GID4: variants seen among roughly 807,000 people sequenced by gnomAD.
The protein encoded by GID4 is glucose-induced degradation protein 4 homolog.
A neutral mutation model predicts 32.4 loss-of-function variants in GID4; 7 were observed. The observed-to-expected ratio is 0.22, with a 90% CI of 0.12 to 0.41. The LOEUF is 0.41. Among genes scored for constraint, GID4 ranks in the 10% least tolerant of loss-of-function variants. The pLI, the probability that GID4 is intolerant of heterozygous loss-of-function variation, is 1.00. For synonymous variants in GID4, 166 were observed against 170.0 expected, an observed-to-expected ratio of 0.98 and a Z score of 0.18; for missense variants, 309 against 400.0, an observed-to-expected ratio of 0.77 and a Z score of 1.94.
At chr17:18,059,123 T>C (rs2044996740) in intron 4 of GID4, among the ~76,000 whole-genome samples, 154 bp downstream of exon 4, 1 of 152,154 alleles carries the variant, frequency 6.6e-6, no homozygotes, top group African/African-American at 2.4e-5. Context: ...TGCACGCCTA[T>C]AAAAAGTGGG....
intron 2 of GID4, among the ~76,000 whole-genome samples, chr17:18,046,214 G>A (rs989640573): frequency 5.9e-5 from 9 of 152,320 alleles, no homozygotes; most frequent in South Asian, 4.1e-4. Flanking sequence ...ATGGGGCAGT[G>A]GAAAGGAGCT....
At chr17:18,041,617 C>T (rs2044804580) in intron 1 of GID4, among the ~76,000 whole-genome samples, 1 of 152,154 alleles carries the variant, frequency 6.6e-6, no homozygotes, top group Non-Finnish European at 1.5e-5. Context: ...GTTTGTTTTG[C>T]ACCTAGTCAT....
rs558990960 is a variant in GID4, at chr17:18,043,692, G to A, written c.439-1455G>A. On this transcript the variant is annotated intron_variant, in intron 1 of 5. Coordinates refer to ENST00000268719, the MANE Select transcript of GID4 (RefSeq NM_024052.5). Reference sequence around the variant, plus strand: ...GTGCTGACATCATCTGGTTGACTAAGTTCATTACAGTTTTTAAGCATGGCT... The same window carrying A: ...GTGCTGACATCATCTGGTTGACTAAATTCATTACAGTTTTTAAGCATGGCT... Among the ~76,000 whole-genome samples the A allele has an allele frequency of 2.6e-5, 4 of 152,330 alleles. No individual in the cohort carries two copies. The South Asian group carries it at 8.3e-4, about 32-fold the overall frequency.
chr17:18,039,633 C>A lies in GID4; in HGVS notation c.169C>A (p.Pro57Thr). Reference sequence around the variant, plus strand: ...GCGTGCGCGCCCCGGCCTCTCCCTCCCCGCCACCCTCCTCGGCTCCCGCGC... The same window carrying A: ...GCGTGCGCGCCCCGGCCTCTCCCTCACCGCCACCCTCCTCGGCTCCCGCGC... ...PARARPGLSL[P>T]ATLLGSRAAA... is the part of the protein sequence containing the mutation. Residue 57 changes from proline (P) to threonine (T), a missense_variant, in exon 1 of 6, where the codon CCC becomes ACC. By Grantham distance (38) the Pro-to-Thr change is conservative (BLOSUM62 -1). Transcript: ENST00000268719. This position sits in a 1 kb window ranked among gnomAD's most constrained non-coding sequence, Gnocchi z 5.3. The A allele has an allele frequency of 7.6e-7, 1 of 1,307,644 alleles. No individual in the cohort carries two copies. The allele number at this position is 1,307,644 out of a possible 1,614,324, so 81.0% of individuals were successfully genotyped here.
intron 2 of GID4, among the ~76,000 whole-genome samples, chr17:18,050,075 T>A (rs947371216): frequency 2.7e-4 from 41 of 152,376 alleles, no homozygotes; most frequent in African/African-American, 9.6e-4. Flanking sequence ...TTTTTATGGC[T>A]TCATAGTATT....
rs529966261 is a variant in GID4, at chr17:18,065,393, A to T, written c.*150A>T. 1.8e-5 allele frequency: 12 copies of T among 678,516 alleles called. No homozygotes were observed. The South Asian group carries it at 2.0e-4, about 12-fold the overall frequency. 42.0% of individuals were successfully genotyped at this position (678,516 alleles called of 1,614,324 possible). A position where few individuals can be genotyped will look rare whatever the true frequency, so the allele number is the denominator to read the frequency against. On this transcript the variant is annotated 3_prime_UTR_variant, in exon 6 of 6. Coordinates refer to ENST00000268719, the MANE Select transcript of GID4 (RefSeq NM_024052.5). ...ACAAAGCATGAATGTTAACCCACAG[A>T]ATCCAAGGAGCATGGCTGGCCCGTG... is the stretch of plus-strand genomic sequence containing the variant.
intron 5 of GID4, among the ~76,000 whole-genome samples, chr17:18,063,042 C>T (rs1018602784): frequency 1.2e-4 from 18 of 150,964 alleles, no homozygotes; most frequent in Non-Finnish European, 1.9e-4. Context: ...CCATTGCACT[C>T]CAGCCTGGGC....
At chr17:18,052,034 A>G (rs1388343276) in intron 2 of GID4, among the ~76,000 whole-genome samples, 2 of 150,924 alleles carry the variant, frequency 1.3e-5, no homozygotes, top group East Asian at 1.9e-4. Context: ...AGATCGTGCC[A>G]CTGCATTCCG....
At position 18,066,661 on chromosome 17, in the gene GID4, A is replaced by G. The variant is rs2045066832; in HGVS notation, c.*1418A>G. ...GATTGCATCATAACCCCCAGGAGCA[A>G]AGCAACCTGGAGGCTGCATATCCAT... On this transcript the variant is annotated 3_prime_UTR_variant, in exon 6 of 6. Transcript: ENST00000268719. 1 of 152,194 alleles carries G rather than the reference A, an allele frequency of 6.6e-6. No homozygotes were observed. Among genetic ancestry groups the G allele is most frequent in the Non-Finnish European group, 1.5e-5 (1 of 68,036 alleles). The allele number at this position is 152,194 out of a possible 1,614,324, so 9.4% of individuals were successfully genotyped here. A position where few individuals can be genotyped will look rare whatever the true frequency, so the allele number is the denominator to read the frequency against.
intron 2 of GID4, among the ~76,000 whole-genome samples, chr17:18,047,933 C>T (rs972427915): frequency 6.6e-6 from 1 of 151,300 alleles, no homozygotes; most frequent in Admixed American, 6.6e-5. Context: ...TGGAGTCTCG[C>T]TCAGTCACCC....
chr17:18,055,106 G>A (rs911552654), intron 3 of GID4, among the ~76,000 whole-genome samples: 20 of 151,054 alleles, frequency 1.3e-4, no homozygotes, highest in Non-Finnish European at 2.6e-4. Context: ...AGGAGGCGGA[G>A]CTTGCAGTGA....
chr17:18,039,720 G>A lies in GID4; in HGVS notation c.256G>A (p.Val86Ile). The A allele has an allele frequency of 6.6e-7, 1 of 1,507,644 alleles. No individual in the cohort carries two copies. Among genetic ancestry groups the A allele is most frequent in the Non-Finnish European group, 8.9e-7 (1 of 1,128,708 alleles). 93.4% of individuals were successfully genotyped at this position (1,507,644 alleles called of 1,614,324 possible). ...GGCTCCGGGGGACCCCGCGATGCCG[G>A]TCCGCACCGAGTGTCCCCCGCCGGC... is the stretch of plus-strand genomic sequence containing the variant. Reference protein sequence around the residue: ...ALAPGDPAMPVRTECPPPAGA... With the variant: ...ALAPGDPAMPIRTECPPPAGA... Residue 86 changes from valine (V) to isoleucine (I), a missense_variant, in exon 1 of 6, where the codon GTC becomes ATC. Physicochemically the swap from Val to Ile is conservative, Grantham distance 29. Coordinates refer to ENST00000268719, the MANE Select transcript of GID4 (RefSeq NM_024052.5). This position sits in a 1 kb window ranked among gnomAD's most constrained non-coding sequence, Gnocchi z 5.3.
rs992364339 is a variant in GID4 at position 18,061,086 on chromosome 17, A to G, written c.709-759A>G. Among the ~76,000 whole-genome samples the G allele has an allele frequency of 6.6e-6, 1 of 152,200 alleles. No individual in the cohort carries two copies. The highest frequency in any genetic ancestry group is 2.4e-5 in the African/African-American group (1 of 41,454). On this transcript the variant is annotated intron_variant, in intron 4 of 5. Transcript: ENST00000268719. This position sits in a 1 kb window ranked among gnomAD's most constrained non-coding sequence, Gnocchi z 4.4. ...CACAATTTTAGAAGTTGAATAAGGA[A>G]TGGGAGGGTGTCTTAAATTTGTTTA...
intron 2 of GID4, among the ~76,000 whole-genome samples, chr17:18,048,425 C>T (rs540247290): frequency 6.6e-6 from 1 of 152,236 alleles, no homozygotes; most frequent in South Asian, 2.1e-4. Context: ...AACTCCTGAC[C>T]TCAAATGTCC....
At position 18,053,175 on chromosome 17, in the gene GID4, G is replaced by A. The variant is rs373670093; in HGVS notation, c.499-952G>A. 6.7e-5 allele frequency among the ~76,000 whole-genome samples: 10 copies of A among 149,262 alleles called. No homozygotes were observed. The East Asian group carries it at 1.4e-3, about 21-fold the overall frequency. Reference sequence around the variant, plus strand: ...ATTACAGGCATGCGCCACCACGCCCGGCTAATTTTGTATTTTTAGTAGAGA... The same window carrying A: ...ATTACAGGCATGCGCCACCACGCCCAGCTAATTTTGTATTTTTAGTAGAGA... On this transcript the variant is annotated intron_variant, in intron 2 of 5. Coordinates refer to ENST00000268719, the MANE Select transcript of GID4 (RefSeq NM_024052.5).
chr17:18,054,837 G>A (rs1357655619), intron 3 of GID4, among the ~76,000 whole-genome samples: 2 of 151,996 alleles, frequency 1.3e-5, no homozygotes, highest in Admixed American at 6.6e-5. Context: ...AGTGTCCTGG[G>A]ATCTTTTCAT....
intron 3 of GID4, chr17:18,057,260 C>T: frequency 2.2e-5 from 10 of 445,562 alleles, no homozygotes; most frequent in Non-Finnish European, 3.7e-5. Flanking sequence ...GGTGAAACCC[C>T]ATCTCTACCA....
chr17:18,064,715 T>C (rs1450405608), intron 5 of GID4, among the ~76,000 whole-genome samples: 2 of 152,092 alleles, frequency 1.3e-5, no homozygotes, highest in East Asian at 3.8e-4. Context: ...TAAAATACAG[T>C]TTAAGGCAGT....
intron 1 of GID4, among the ~76,000 whole-genome samples, chr17:18,042,550 ATAC>A (rs1213671902): frequency 2.8e-4 from 42 of 152,364 alleles, no homozygotes; most frequent in African/African-American, 9.4e-4. Context: ...CATTTTGTTT[ATAC>A]AGTGATCAGT....
Sources: gnomAD v4.1 joint callset for allele counts (sites outside exome capture counted in the v4.1 genomes callset) on GRCh38, gnomAD v4.1.1 for gene constraint, Gnocchi (gnomAD v3.1) non-coding constraint, MANE v1.5 for transcripts, NCBI Gene and HGNC (gene_info 2026-07-23, HGNC 2026-07-21) for gene names.